Variants in MYO1D observed in about 807,000 individuals in gnomAD.
MYO1D encodes the protein unconventional myosin-Id.
MYO1D carries 83 observed loss-of-function variants against 122.0 expected under a neutral mutation model. The observed-to-expected ratio is 0.68, with a 90% CI of 0.57 to 0.82. The LOEUF (loss-of-function observed/expected upper bound fraction) is 0.82. Ranked by LOEUF, MYO1D falls within the 40% of genes least tolerant of loss-of-function variation. The probability of loss-of-function intolerance (pLI) is 0.00; values close to 1 mark genes in which losing one functional copy is unlikely to be tolerated. For synonymous variants in MYO1D, 464 were observed against 446.9 expected (o/e 1.04, Z -0.48); for missense variants, 1,157 against 1,269.5 (o/e 0.91, Z 1.35).
chr17:32,780,017 G>A (rs2090218897), intron 2 of MYO1D, among the ~76,000 whole-genome samples: 1 of 151,992 alleles, frequency 6.6e-6, no homozygotes, highest in African/African-American at 2.4e-5. Context: ...GTCCTTGAAG[G>A]GCTCCCCTTA....
intron 16 of MYO1D, among the ~76,000 whole-genome samples, chr17:32,660,576 G>A (rs1348706855): frequency 2.0e-5 from 3 of 152,130 alleles, no homozygotes; most frequent in Admixed American, 1.3e-4. Flanking sequence ...TGCACACTAC[G>A]TGCAAGAAGA....
At chr17:32,597,331 A>G (rs762990994) in intron 21 of MYO1D, among the ~76,000 whole-genome samples, 4 of 152,158 alleles carry the variant, frequency 2.6e-5, no homozygotes, top group Admixed American at 2.0e-4. Context: ...CTAGAGACAA[A>G]CACTGTTATC....
chr17:32,875,424 T>C (rs1231553688), intron 1 of MYO1D, among the ~76,000 whole-genome samples: 1 of 152,146 alleles, frequency 6.6e-6, no homozygotes, highest in Non-Finnish European at 1.5e-5. Flanking sequence ...CATTTAACCC[T>C]CAGGACAACC....
At chr17:32,728,758 T>C (rs2089604476) in intron 14 of MYO1D, among the ~76,000 whole-genome samples, 2 of 152,216 alleles carry the variant, frequency 1.3e-5, no homozygotes, top group Admixed American at 1.3e-4. Context: ...TATAAAATCA[T>C]GTAGGCAACG....
At chr17:32,734,942 G>C (rs1392418741) in intron 14 of MYO1D, 1 of 151,862 alleles carries the variant, frequency 6.6e-6, no homozygotes, top group Non-Finnish European at 1.5e-5. Flanking sequence ...AGCTGGGTGT[G>C]GTGGCACACA....
intron 21 of MYO1D, among the ~76,000 whole-genome samples, chr17:32,604,178 C>T (rs2087597781): frequency 1.5e-5 from 2 of 137,878 alleles, no homozygotes; most frequent in African/African-American, 5.4e-5. Context: ...AAAGAGAAGC[C>T]ACGTCTAAAC....
intron 16 of MYO1D, among the ~76,000 whole-genome samples, chr17:32,693,463 T>C (rs998029462): frequency 6.6e-6 from 1 of 151,830 alleles, no homozygotes; most frequent in Non-Finnish European, 1.5e-5. Context: ...AATTGAAAGG[T>C]GTATTTTAGC....
At chr17:32,632,134 G>A (rs2088015800) in intron 20 of MYO1D, among the ~76,000 whole-genome samples, 1 of 152,150 alleles carries the variant, frequency 6.6e-6, no homozygotes, top group Non-Finnish European at 1.5e-5. Flanking sequence ...GTCTATCTCT[G>A]CTCCATAAAG....
At chr17:32,860,550 G>C (rs2091062245) in intron 1 of MYO1D, among the ~76,000 whole-genome samples, 1 of 152,190 alleles carries the variant, frequency 6.6e-6, no homozygotes, top group South Asian at 2.1e-4. Flanking sequence ...CCCTTCAATA[G>C]AGAACTAGAG....
In MYO1D at chr17:32,605,134, C is replaced by A; in HGVS notation, c.2817G>T (p.Glu939Asp). The change falls in exon 21 of 22, where the codon GAG becomes GAT. Residue 939 changes from glutamate to aspartate, a missense_variant. Physicochemically the swap from Glu to Asp is conservative, Grantham distance 45. Coordinates refer to ENST00000318217, the MANE Select transcript of MYO1D (RefSeq NM_015194.3). ...VCLFSKQPTH[E>D]SRIGELVGVL... is the part of the protein sequence containing the mutation. ...CTCCAACAAGTTCTCCAATTCGACT[C>A]TCATGGGTTGGCTGTTTGCTGAAGA... 1 of 1,609,712 alleles carries A rather than the reference C, an allele frequency of 6.2e-7. No individual in the cohort carries two copies. Among genetic ancestry groups the A allele is most frequent in the Non-Finnish European group, 8.5e-7 (1 of 1,176,704 alleles).
chr17:32,560,445 T>C (rs1488389880), intron 21 of MYO1D, among the ~76,000 whole-genome samples: 4 of 146,008 alleles, frequency 2.7e-5, no homozygotes, highest in African/African-American at 1.0e-4. Context: ...AAAGAGACAG[T>C]AGTAGTCCAC....
At chr17:32,688,132 G>C (rs370713387) in intron 16 of MYO1D, among the ~76,000 whole-genome samples, 25 of 152,088 alleles carry the variant, frequency 1.6e-4, no homozygotes, top group African/African-American at 5.8e-4. Context: ...ATTCATATGC[G>C]CAACACCTTT....
chr17:32,554,568 G>A (rs997748633), intron 21 of MYO1D, among the ~76,000 whole-genome samples: 1 of 152,202 alleles, frequency 6.6e-6, no homozygotes, highest in African/African-American at 2.4e-5. Context: ...AAGCATTCAT[G>A]TAAAGGCTAA....
intron 1 of MYO1D, among the ~76,000 whole-genome samples, chr17:32,803,061 G>A (rs1434717176): frequency 2.6e-5 from 4 of 152,198 alleles, no homozygotes; most frequent in African/African-American, 4.8e-5. Flanking sequence ...TGAGAAGCAT[G>A]AGCCCTGTAT....
intron 1 of MYO1D, among the ~76,000 whole-genome samples, chr17:32,866,670 T>C (rs2091127848): frequency 6.6e-6 from 1 of 152,136 alleles, no homozygotes; most frequent in Non-Finnish European, 1.5e-5. Flanking sequence ...CAATCTCTAG[T>C]TGGGAGAATT....
chr17:32,533,622 T>C (rs1910575338), intron 21 of MYO1D, among the ~76,000 whole-genome samples: 1 of 152,158 alleles, frequency 6.6e-6, no homozygotes. Flanking sequence ...CAAGCTCCTC[T>C]GGGTGTCTCT....
intron 21 of MYO1D, among the ~76,000 whole-genome samples, chr17:32,551,783 G>T (rs562140831): frequency 6.6e-6 from 1 of 152,250 alleles, no homozygotes; most frequent in South Asian, 2.1e-4. Context: ...CATGGCACAG[G>T]AACACCGTCT....
At chr17:32,776,965 T>C (rs1232552072) in intron 3 of MYO1D, among the ~76,000 whole-genome samples, 2 of 152,248 alleles carry the variant, frequency 1.3e-5, no homozygotes, top group Admixed American at 6.5e-5. Flanking sequence ...CTCCCGCTAA[T>C]ACTGGAGAGT....
At chr17:32,764,423 G>A (rs2090033989) in intron 8 of MYO1D, among the ~76,000 whole-genome samples, 1 of 152,104 alleles carries the variant, frequency 6.6e-6, no homozygotes. Context: ...GATTTTAAAT[G>A]TTCTCACCAC....
Sources: allele counts gnomAD v4.1 joint callset (sites outside exome capture counted in the v4.1 genomes callset), GRCh38; gene constraint gnomAD v4.1.1; transcripts MANE v1.5; gene names NCBI Gene and HGNC (gene_info 2026-07-23, HGNC 2026-07-21).